The following LDLRAD4 variants were observed in gnomAD, a reference collection of about 807,000 sequenced individuals.
The protein encoded by LDLRAD4 is low-density lipoprotein receptor class A domain-containing protein 4.
A neutral mutation model predicts 17.0 loss-of-function variants in LDLRAD4; 5 were observed. That is an observed-to-expected ratio of 0.29 (90% CI 0.15 to 0.62). The LOEUF (loss-of-function observed/expected upper bound fraction) is 0.62. Among genes scored for constraint, LDLRAD4 ranks in the 20% least tolerant of loss-of-function variants. LDLRAD4 has a pLI of 0.84. For missense variants in LDLRAD4, 340 were observed against 424.7 expected, an observed-to-expected ratio of 0.80 and a Z score of 1.75; for synonymous variants, 168 against 171.8, an observed-to-expected ratio of 0.98 and a Z score of 0.17.
intron 3 of LDLRAD4, among the ~76,000 whole-genome samples, chr18:13,500,289 C>CTCTCAAAGTCGCTCCAGAG (rs1568262497): frequency 6.6e-6 from 1 of 152,208 alleles, no homozygotes; most frequent in African/African-American, 2.4e-5. Flanking sequence ...CACATTGCGT[C>CTCTCAAAGTCGCTCCAGAG]GTCTCTCAAA....
rs534129139 is a variant in LDLRAD4 at position 13,385,083 on chromosome 18, C to G, written c.-382-2258C>G. On this transcript the variant is annotated intron_variant, in intron 1 of 5. Coordinates refer to ENST00000359446, the Ensembl canonical transcript of LDLRAD4. Reference sequence around the variant, plus strand: ...CATACTGTTTTCCGAAATGGCTGTACCAGTCTCCATTCTCACCAACAGTGT... The same window carrying G: ...CATACTGTTTTCCGAAATGGCTGTAGCAGTCTCCATTCTCACCAACAGTGT... Among the ~76,000 whole-genome samples, 11 of 152,314 alleles carry G rather than the reference C, an allele frequency of 7.2e-5. No individual in the cohort carries two copies. In the South Asian group the frequency reaches 2.3e-3, roughly 32 times the overall value.
intron 1 of LDLRAD4, among the ~76,000 whole-genome samples, chr18:13,375,931 G>A (rs1380630889): frequency 6.6e-6 from 1 of 152,194 alleles, no homozygotes; most frequent in African/African-American, 2.4e-5. Flanking sequence ...AAAAATAGAG[G>A]GTAGTTTTGG....
At chr18:13,558,884 TC>T (rs2094511812) in intron 3 of LDLRAD4, among the ~76,000 whole-genome samples, 1 of 122,368 alleles carries the variant, frequency 8.2e-6, no homozygotes, top group Non-Finnish European at 1.7e-5. Flanking sequence ...CACCCAGCCC[TC>T]CCCCTGCCCC....
intron 1 of LDLRAD4, among the ~76,000 whole-genome samples, chr18:13,314,813 C>T (rs976601655): frequency 3.9e-5 from 6 of 152,126 alleles, no homozygotes; most frequent in African/African-American, 1.4e-4. Flanking sequence ...TAAGGTGAGC[C>T]TAGTAATCTG....
intron 3 of LDLRAD4, among the ~76,000 whole-genome samples, chr18:13,569,863 T>C (rs1159300799): frequency 6.6e-6 from 1 of 152,166 alleles, no homozygotes; most frequent in Non-Finnish European, 1.5e-5. Flanking sequence ...GCAGCCTGGG[T>C]GACAAAGTGA....
chr18:13,497,291 C>T (rs2147199620), intron 3 of LDLRAD4, among the ~76,000 whole-genome samples: 1 of 152,308 alleles, frequency 6.6e-6, no homozygotes, highest in Admixed American at 6.5e-5. Context: ...ATCCTCCTGC[C>T]TCAGCCTCCG....
intron 4 of LDLRAD4, among the ~76,000 whole-genome samples, chr18:13,629,346 G>A (rs867617629): frequency 6.6e-6 from 1 of 152,176 alleles, no homozygotes; most frequent in East Asian, 1.9e-4. Context: ...AGGCAAGCAC[G>A]ACTCAATTAG....
chr18:13,573,772 A>G (rs770858405), intron 3 of LDLRAD4, among the ~76,000 whole-genome samples: 8 of 152,158 alleles, frequency 5.3e-5, no homozygotes, highest in Admixed American at 6.5e-5. Context: ...TCAGAGAACA[A>G]TCTGGGTAAA....
chr18:13,417,624 C>A (rs993060024), intron 2 of LDLRAD4, among the ~76,000 whole-genome samples: 3 of 152,160 alleles, frequency 2.0e-5, no homozygotes, highest in African/African-American at 7.2e-5. Flanking sequence ...TTAGTAGAGA[C>A]GGGGTTTCAC....
intron 1 of LDLRAD4, among the ~76,000 whole-genome samples, chr18:13,326,062 C>T (rs183201930): frequency 6.6e-5 from 10 of 152,162 alleles, no homozygotes; most frequent in South Asian, 4.2e-4. Context: ...CCACCACGCC[C>T]GGCTGGCAAT....
rs549348243 is a variant in LDLRAD4 at position 13,450,966 on chromosome 18, G to A, written c.181+12582G>A. 6.4e-4 allele frequency among the ~76,000 whole-genome samples: 98 copies of A among 152,272 alleles called. 1 individual carries two copies. In the South Asian group the frequency reaches 7.7e-3, roughly 12 times the overall value. On this transcript the variant is annotated intron_variant, in intron 3 of 5. Coordinates refer to ENST00000359446, the Ensembl canonical transcript of LDLRAD4. ...AAAGCCAGGGATGTCAGGCCAGATC[G>A]CTTTCATTCTCTTTCATGAAGGAAG...
chr18:13,257,607 A>G (rs2043577025), intron 1 of LDLRAD4, among the ~76,000 whole-genome samples: 1 of 152,172 alleles, frequency 6.6e-6, no homozygotes, highest in African/African-American at 2.4e-5. Context: ...GAGTGATCAT[A>G]TAGGGGATGA....
intron 3 of LDLRAD4, chr18:13,520,477 G>A (rs143049944): frequency 2.0e-5 from 3 of 152,342 alleles, no homozygotes; most frequent in Non-Finnish European, 2.9e-5. Flanking sequence ...TCGTGTACAC[G>A]GCCCAGCTGC....
chr18:13,619,240 A>T (rs1429815539), intron 3 of LDLRAD4, among the ~76,000 whole-genome samples: 1 of 152,086 alleles, frequency 6.6e-6, no homozygotes, highest in Non-Finnish European at 1.5e-5. Flanking sequence ...GTCCTGAGAA[A>T]CACAGGGTCA....
Position 13,231,350 on chromosome 18 carries a change from C to T in LDLRAD4, c.-467+12362C>T, listed in dbSNP as rs527244010. ...TTGGGAGCGGGAGTGAACCTGGGCA[C>T]GGGGCGCTGCTCTTGGTGAGCATGT... On this transcript the variant is annotated intron_variant, in intron 1 of 5. Coordinates refer to the LDLRAD4 transcript ENST00000399848. Among the ~76,000 whole-genome samples, 49 of 152,242 alleles carry T rather than the reference C, an allele frequency of 3.2e-4. No homozygotes were observed. In the South Asian group the frequency reaches 3.5e-3, roughly 11 times the overall value.
chr18:13,279,948 C>T (rs1423288687), intron 1 of LDLRAD4: 3 of 152,250 alleles, frequency 2.0e-5, no homozygotes, highest in African/African-American at 7.2e-5. Context: ...TTAAGCAGCT[C>T]ACAGCTGGAC....
At chr18:13,396,550 C>G (rs907487789) in intron 2 of LDLRAD4, among the ~76,000 whole-genome samples, 1 of 152,238 alleles carries the variant, frequency 6.6e-6, no homozygotes, top group Non-Finnish European at 1.5e-5. Flanking sequence ...GTGGCGCCAT[C>G]GTAGCTCACT....
chr18:13,317,986 T>A (rs1162110196), intron 1 of LDLRAD4, among the ~76,000 whole-genome samples: 2 of 152,210 alleles, frequency 1.3e-5, no homozygotes, highest in East Asian at 1.9e-4. Flanking sequence ...TTTCACATTA[T>A]GTTAAATATT....
At chr18:13,624,022 A>G (rs1346892825) in intron 4 of LDLRAD4, among the ~76,000 whole-genome samples, 1 of 152,172 alleles carries the variant, frequency 6.6e-6, no homozygotes, top group Non-Finnish European at 1.5e-5. Flanking sequence ...GGAATCCTAC[A>G]ATGTGTCCTA....
Sources: allele counts gnomAD v4.1 joint callset (sites outside exome capture counted in the v4.1 genomes callset), GRCh38; gene constraint gnomAD v4.1.1; transcripts MANE v1.5; gene names NCBI Gene and HGNC (gene_info 2026-07-23, HGNC 2026-07-21).